The following CD109 variants were observed in gnomAD, a reference collection of about 807,000 sequenced individuals.
The protein encoded by CD109 is CD109 antigen.
CD109 carries 149 observed loss-of-function variants against 165.8 expected under a neutral mutation model. That is an observed-to-expected ratio of 0.90 (90% CI 0.79 to 1.03). The LOEUF (loss-of-function observed/expected upper bound fraction) is 1.03, where lower values mean the gene tolerates loss of function less well. Among genes scored for constraint, CD109 ranks in the 50% least tolerant of loss-of-function variants. The pLI, the probability that CD109 is intolerant of heterozygous loss-of-function variation, is 0.00. For synonymous variants in CD109, 585 were observed against 592.1 expected (o/e 0.99, Z 0.18); for missense variants, 1,712 against 1,677.8 (o/e 1.02, Z -0.36).
At chr6:73,696,346 G>C (rs2150141233) in intron 1 of CD109, 57 bp downstream of exon 1, 2 of 1,339,808 alleles carry the variant, frequency 1.5e-6, no homozygotes, top group East Asian at 3.1e-5. Context: ...CCGCTCTGCG[G>C]CTCTGGGCCA....
intron 28 of CD109, 26 bp from the exon 29 acceptor site, chr6:73,812,179 A>C: frequency 6.5e-7 from 1 of 1,537,958 alleles, no homozygotes; most frequent in Non-Finnish European, 9.0e-7. Flanking sequence ...AATTAGCCTC[A>C]TTCACTTTTT....
In CD109 at chr6:73,790,099, C is replaced by CTTTTT. The variant is rs56024477; in HGVS notation, c.2701+1496_2701+1500dup. Reference sequence around the variant, plus strand: ...AACTATATTTACCATGCTAAAAGTCCTTTTTTTTTTTTTGAGATGGAGTCT... The same window carrying CTTTTT: ...AACTATATTTACCATGCTAAAAGTCCTTTTTTTTTTTTTTTTTTGAGATGGAGTCT... On this transcript the variant is annotated intron_variant, in intron 22 of 32. Transcript: ENST00000287097. Among the ~76,000 whole-genome samples the CTTTTT allele has an allele frequency of 9.2e-5, 12 of 130,084 alleles. 2 individuals are homozygous for CTTTTT. Among genetic ancestry groups the CTTTTT allele is most frequent in the Non-Finnish European group, 1.1e-4 (7 of 63,160 alleles). 85.3% of individuals were successfully genotyped at this position (130,084 alleles called of 152,430 possible). A position where few individuals can be genotyped will look rare whatever the true frequency, so the allele number is the denominator to read the frequency against.
At chr6:73,773,546 G>A (rs1774125055) in intron 15 of CD109, among the ~76,000 whole-genome samples, 1 of 151,978 alleles carries the variant, frequency 6.6e-6, no homozygotes. Flanking sequence ...ATTTGTTTTG[G>A]TGATTTAGAA....
chr6:73,796,298 C>T (rs188471458), intron 23 of CD109, among the ~76,000 whole-genome samples: 1 of 152,270 alleles, frequency 6.6e-6, no homozygotes, highest in Admixed American at 6.5e-5. Flanking sequence ...GGCTTGGCCT[C>T]CCTCCTTAGC....
chr6:73,696,180 C>T (rs1443224737), upstream of CD109: 2 of 1,537,686 alleles, frequency 1.3e-6, no homozygotes, highest in Admixed American at 2.0e-5. Flanking sequence ...CGAACTTCCC[C>T]GGCAGCGGAC....
At chr6:73,707,961 T>TC (rs1771348837) in intron 2 of CD109, among the ~76,000 whole-genome samples, 1 of 99,322 alleles carries the variant, frequency 1.0e-5, no homozygotes, top group African/African-American at 3.9e-5. Flanking sequence ...AATTGTTATC[T>TC]TTATATATAT....
intron 4 of CD109, among the ~76,000 whole-genome samples, chr6:73,732,208 A>G (rs1181944689): frequency 1.3e-5 from 2 of 152,236 alleles, no homozygotes; most frequent in African/African-American, 4.8e-5. Flanking sequence ...ATTCTAATGA[A>G]TAACATAGTG....
At chr6:73,753,316 A>G (rs1379558998) in intron 5 of CD109, among the ~76,000 whole-genome samples, 1 of 152,178 alleles carries the variant, frequency 6.6e-6, no homozygotes. Context: ...TTTTGTGGTT[A>G]TATATGGCAT....
At position 73,828,059 on chromosome 6, in the gene CD109, G is replaced by A. The variant is rs1218269004; in HGVS notation, c.*4426G>A. 3 of 154,798 alleles carry A rather than the reference G, an allele frequency of 1.9e-5. No individual in the cohort carries two copies. The highest frequency in any genetic ancestry group is 7.2e-5 in the African/African-American group (3 of 41,534). The allele number at this position is 154,798 out of a possible 1,614,324, so 9.6% of individuals were successfully genotyped here. On this transcript the variant is annotated 3_prime_UTR_variant, in exon 33 of 33. Coordinates refer to ENST00000287097, the MANE Select transcript of CD109 (RefSeq NM_133493.5). ...TGGTTTGGATTTTCAGTAGGGGACAGTTGATGTGGAGTCAATCTCTTTGGT... is the reference window on the plus strand; with the variant it reads ...TGGTTTGGATTTTCAGTAGGGGACAATTGATGTGGAGTCAATCTCTTTGGT...
chr6:73,801,990 C>T (rs939438204), intron 23 of CD109, among the ~76,000 whole-genome samples: 9 of 152,038 alleles, frequency 5.9e-5, no homozygotes, highest in Non-Finnish European at 8.8e-5. Flanking sequence ...TTATTGCTAT[C>T]TTAACTTTAT....
intron 2 of CD109, among the ~76,000 whole-genome samples, chr6:73,709,204 C>T (rs1771427759): frequency 1.3e-5 from 2 of 152,162 alleles, no homozygotes; most frequent in African/African-American, 4.8e-5. Flanking sequence ...GATCCAGTTT[C>T]AGCTTTCTAC....
At chr6:73,741,100 CT>C (rs79222141) in intron 5 of CD109, among the ~76,000 whole-genome samples, 373 of 143,788 alleles carry the variant, frequency 2.6e-3, no homozygotes, top group Admixed American at 2.7e-3. Context: ...TATACATAGA[CT>C]TTTTTTTTTT....
the CD109 span, among the ~76,000 whole-genome samples, chr6:73,688,770 T>G: frequency 2.4e-4 from 28 of 117,458 alleles, no homozygotes; most frequent in African/African-American, 3.8e-4. Flanking sequence ...TGTTTTTTTT[T>G]TTTTTTTTTT....
chr6:73,783,638 A>G, intron 18 of CD109, 69 bp from the exon 19 acceptor site: 3 of 879,904 alleles, frequency 3.4e-6, no homozygotes, highest in Non-Finnish European at 3.8e-6. Context: ...AGTTTAGATT[A>G]TTTTGGCTTA....
intron 3 of CD109, among the ~76,000 whole-genome samples, chr6:73,728,136 C>G (rs1772207783): frequency 6.6e-6 from 1 of 152,148 alleles, no homozygotes; most frequent in African/African-American, 2.4e-5. Flanking sequence ...GCCTGGCCAA[C>G]ATGGTAAAAC....
chr6:73,692,686 C>T (rs368269253), upstream of CD109, among the ~76,000 whole-genome samples: 219 of 152,290 alleles, frequency 1.4e-3, 2 homozygotes, highest in African/African-American at 4.5e-3. Flanking sequence ...CCACATGTCA[C>T]GGGAGGGACC....
At chr6:73,765,031 A>T (rs1773782861) in intron 10 of CD109, among the ~76,000 whole-genome samples, 1 of 152,066 alleles carries the variant, frequency 6.6e-6, no homozygotes. Flanking sequence ...TGGCTGTGGG[A>T]TAGGCATGGG....
upstream of CD109, among the ~76,000 whole-genome samples, chr6:73,692,411 A>G (rs981811726): frequency 6.6e-6 from 1 of 152,164 alleles, no homozygotes; most frequent in Non-Finnish European, 1.5e-5. Flanking sequence ...TTTTCTTCTT[A>G]AAGGAGATAT....
At chr6:73,816,570 A>G (rs750827) in intron 30 of CD109, among the ~76,000 whole-genome samples, 17,570 of 152,020 alleles carry the variant, frequency 0.12, 1,430 homozygotes, top group African/African-American at 0.23. Context: ...TTTCTCATTC[A>G]TTTATTTATT....
Sources: allele counts gnomAD v4.1 joint callset (sites outside exome capture counted in the v4.1 genomes callset), GRCh38; gene constraint gnomAD v4.1.1; transcripts MANE v1.5; gene names NCBI Gene and HGNC (gene_info 2026-07-23, HGNC 2026-07-21).